STAG2: variants seen among roughly 807,000 people sequenced by gnomAD.
STAG2 encodes STAG2 cohesin complex component, also known as cohesin subunit SA-2.
STAG2 carries 14 observed loss-of-function variants against 108.1 expected under a neutral mutation model. The observed-to-expected ratio is 0.13, with a 90% CI of 0.09 to 0.20. STAG2 has a LOEUF of 0.20. Among genes scored for constraint, STAG2 ranks in the 10% least tolerant of loss-of-function variants. The probability of loss-of-function intolerance (pLI) is 1.00; values close to 1 mark genes in which losing one functional copy is unlikely to be tolerated. For missense variants in STAG2, 440 were observed against 940.9 expected (o/e 0.47, Z 6.96); for synonymous variants, 307 against 302.7 (o/e 1.01, Z -0.15).
chrX:123,967,183 C>T (rs2054135378), intron 1 of STAG2, among the ~76,000 whole-genome samples: 1 of 108,845 alleles, frequency 9.2e-6, no homozygotes, highest in Admixed American at 9.9e-5. Flanking sequence ...CGTGCCTGGC[C>T]AAGAAGAGAT....
intron 1 of STAG2, among the ~76,000 whole-genome samples, chrX:123,970,234 C>T (rs991884003): frequency 9.1e-6 from 1 of 109,835 alleles, no homozygotes; most frequent in Non-Finnish European, 1.9e-5. Context: ...ATATTTCCCC[C>T]TTTGTATTCC....
At chrX:123,990,334 A>G (rs1309508517) in intron 1 of STAG2, among the ~76,000 whole-genome samples, 1 of 112,003 alleles carries the variant, frequency 8.9e-6, no homozygotes, top group Admixed American at 9.5e-5. Flanking sequence ...CAAACTTTGT[A>G]ACTATACAAA....
chrX:124,027,569 T>A (rs2057149004), intron 4 of STAG2, among the ~76,000 whole-genome samples: 1 of 111,817 alleles, frequency 8.9e-6, no homozygotes, highest in African/African-American at 3.3e-5. Flanking sequence ...TGGTTAAGGT[T>A]ATATAGCTAC....
intron 6 of STAG2, among the ~76,000 whole-genome samples, chrX:124,040,663 T>C (rs1468937592): frequency 3.7e-5 from 4 of 109,351 alleles, no homozygotes; most frequent in Non-Finnish European, 7.6e-5. Context: ...CTTTGAGATA[T>C]ATTTATATGT....
chrX:124,083,631 C>A, intron 29 of STAG2, 82 bp downstream of exon 29: 2 of 812,770 alleles, frequency 2.5e-6, no homozygotes, highest in Non-Finnish European at 3.4e-6. Context: ...TCTCTCCTTT[C>A]TACTCACACA....
intron 1 of STAG2, among the ~76,000 whole-genome samples, chrX:123,967,223 G>A (rs1025074252): frequency 3.6e-4 from 37 of 102,959 alleles, no homozygotes; most frequent in Non-Finnish European, 6.3e-4. Flanking sequence ...TCCTTCTGCC[G>A]AAGAAAGAGA....
At chrX:124,064,140 G>T (rs2058454815) in intron 20 of STAG2, 89 bp downstream of exon 20, 1 of 649,437 alleles carries the variant, frequency 1.5e-6, no homozygotes, top group Admixed American at 3.3e-5. Context: ...AAGTCTTGGT[G>T]ATAGTCCCTA....
At chrX:124,076,506 A>G (rs2058807064) in intron 26 of STAG2, 35 bp downstream of exon 26, 1 of 1,105,039 alleles carries the variant, frequency 9.0e-7, no homozygotes, top group East Asian at 3.2e-5. Context: ...GATAGTTTTA[A>G]AATGCAACGC....
At chrX:123,973,718 C>G (rs2054482233) in intron 1 of STAG2, among the ~76,000 whole-genome samples, 1 of 108,047 alleles carries the variant, frequency 9.3e-6, no homozygotes, top group South Asian at 4.0e-4. Flanking sequence ...GTGGTGCATG[C>G]CTGTAGTCCC....
intron 1 of STAG2, among the ~76,000 whole-genome samples, chrX:123,978,856 T>G (rs953500152): frequency 1.8e-5 from 2 of 111,800 alleles, no homozygotes; most frequent in Non-Finnish European, 3.8e-5. Flanking sequence ...GAAACACTTT[T>G]GGTCCCAAGC....
chrX:124,065,028 T>A (rs1269308767), intron 20 of STAG2, among the ~76,000 whole-genome samples: 1 of 111,895 alleles, frequency 8.9e-6, no homozygotes, highest in East Asian at 2.8e-4. Flanking sequence ...GATTTCTAGT[T>A]TTCTTGTTTT....
chrX:124,087,038 C>G (rs979485259), intron 30 of STAG2, among the ~76,000 whole-genome samples: 4 of 112,061 alleles, frequency 3.6e-5, no homozygotes, highest in African/African-American at 1.3e-4. Flanking sequence ...AGTAGGAGAG[C>G]CATGCAGTTT....
At position 124,037,033 on chromosome X, in the gene STAG2, G is replaced by GCAC. The variant is rs1409081815; in HGVS notation, c.289-487_289-485dup. The stretch of plus-strand genomic sequence containing the variant: ...CGCGAGTAGTTGGGATTACAGGCGT[G>GCAC]CACCACCACGCCTGGCTAATTTTTG... On this transcript the variant is annotated intron_variant, in intron 5 of 34. Transcript: ENST00000371145. Among the ~76,000 whole-genome samples the GCAC allele has an allele frequency of 4.5e-5, 5 of 110,048 alleles. No individual in the cohort carries two copies. The South Asian group carries it at 2.0e-3, about 43-fold the overall frequency.
chrX:124,056,731 TAAAAAAAAA>T (rs771229412), intron 14 of STAG2, among the ~76,000 whole-genome samples: 1 of 42,374 alleles, frequency 2.4e-5, no homozygotes, highest in Non-Finnish European at 3.9e-5. Flanking sequence ...AGACTCCATC[TAAAAAAAAA>T]AAAAAAAAAA....
intron 26 of STAG2, 28 bp from the exon 27 acceptor site, chrX:124,077,929 G>A (rs764271231): frequency 2.0e-6 from 2 of 986,961 alleles, no homozygotes; most frequent in East Asian, 3.4e-5. Flanking sequence ...AAGAGATAAA[G>A]CTCTAATTTG....
intron 15 of STAG2, among the ~76,000 whole-genome samples, chrX:124,060,969 A>C (rs971398393): frequency 9.3e-6 from 1 of 108,034 alleles, no homozygotes. Context: ...TATATATTTT[A>C]TATAAAAATA....
At chrX:124,030,464 A>G (rs2057294440) in intron 4 of STAG2, among the ~76,000 whole-genome samples, 1 of 112,251 alleles carries the variant, frequency 8.9e-6, no homozygotes, top group African/African-American at 3.2e-5. Flanking sequence ...ATTAAGATTC[A>G]TGTAACATTT....
chrX:123,984,580 C>T (rs890967587), intron 1 of STAG2, among the ~76,000 whole-genome samples: 1 of 111,548 alleles, frequency 9.0e-6, no homozygotes, highest in Non-Finnish European at 1.9e-5. Flanking sequence ...ATAGCAGGCT[C>T]TCAAGAAATA....
At chrX:123,988,468 G>A (rs1047402259) in intron 1 of STAG2, among the ~76,000 whole-genome samples, 1 of 109,898 alleles carries the variant, frequency 9.1e-6, no homozygotes, top group African/African-American at 3.3e-5. Flanking sequence ...TTTTAAGCCC[G>A]AGATATATGT....
Sources: gnomAD v4.1 joint callset for allele counts (sites outside exome capture counted in the v4.1 genomes callset) on GRCh38, gnomAD v4.1.1 for gene constraint, MANE v1.5 for transcripts, NCBI Gene and HGNC (gene_info 2026-07-23, HGNC 2026-07-21) for gene names.